The following PHF20L1 variants were observed in gnomAD, a reference collection of about 807,000 sequenced individuals.
PHF20L1 encodes the protein PHD finger protein 20-like protein 1.
PHF20L1 carries 44 observed loss-of-function variants against 125.5 expected under a neutral mutation model. That is an observed-to-expected ratio of 0.35 (90% CI 0.28 to 0.45). PHF20L1 has a LOEUF of 0.45. Ranked by LOEUF, PHF20L1 falls within the 20% of genes least tolerant of loss-of-function variation. The pLI, the probability that PHF20L1 is intolerant of heterozygous loss-of-function variation, is 1.00. For missense variants in PHF20L1, 1,012 were observed against 1,217.2 expected (o/e 0.83, Z 2.51); for synonymous variants, 380 against 403.1 (o/e 0.94, Z 0.69).
chr8:132,803,655 A>G, intron 6 of PHF20L1, 164 bp from the exon 7 acceptor site: 1 of 559,000 alleles, frequency 1.8e-6, no homozygotes, highest in Non-Finnish European at 3.2e-6. Context: ...TAAATTTGAT[A>G]ACCTACCATG....
At chr8:132,798,541 A>G (rs1832681748) in intron 4 of PHF20L1, among the ~76,000 whole-genome samples, 1 of 152,038 alleles carries the variant, frequency 6.6e-6, no homozygotes, top group Non-Finnish European at 1.5e-5. Context: ...TCAGAATTAC[A>G]TGGAACTAAC....
chr8:132,808,809 G>A (rs1834025798), intron 8 of PHF20L1: 2 of 132,254 alleles, frequency 1.5e-5, no homozygotes, highest in African/African-American at 5.8e-5. Flanking sequence ...TAGTTTTTTG[G>A]TTTTTGCTTT....
chr8:132,825,127 C>T (rs752661266), intron 13 of PHF20L1, 137 bp from the exon 14 acceptor site: 1 of 1,545,120 alleles, frequency 6.5e-7, no homozygotes, highest in African/African-American at 1.4e-5. Context: ...ATGACATGAA[C>T]AGTTTAATTG....
chr8:132,811,214 T>G (rs1834353837), intron 9 of PHF20L1, 86 bp downstream of exon 9: 2 of 1,584,176 alleles, frequency 1.3e-6, no homozygotes, highest in South Asian at 1.1e-5. Flanking sequence ...GAAATTCCCC[T>G]TTTGATCAGA....
intron 14 of PHF20L1, among the ~76,000 whole-genome samples, chr8:132,832,028 A>G (rs1372723176): frequency 6.6e-6 from 1 of 152,044 alleles, no homozygotes; most frequent in African/African-American, 2.4e-5. Flanking sequence ...GCCCCCTACT[A>G]TGTATATATT....
rs1041130458 is a variant in PHF20L1, at chr8:132,848,648, A to G, written c.*2725A>G. On this transcript the variant is annotated 3_prime_UTR_variant, in exon 21 of 21. Coordinates refer to ENST00000395386, the MANE Select transcript of PHF20L1 (RefSeq NM_016018.5). ...TTATTTCCAAACTTAAGAGTAATGT[A>G]CTTCGAAAACAACTTGGTTATTCTT... 6.6e-6 allele frequency: 1 copy of G among 152,454 alleles called. No individual in the cohort carries two copies. The highest frequency in any genetic ancestry group is 1.5e-5 in the Non-Finnish European group (1 of 67,956). 9.4% of individuals were successfully genotyped at this position (152,454 alleles called of 1,614,324 possible). A position where few individuals can be genotyped will look rare whatever the true frequency, so the allele number is the denominator to read the frequency against.
chr8:132,798,421 C>G (rs1217795597), intron 4 of PHF20L1, among the ~76,000 whole-genome samples: 1 of 151,840 alleles, frequency 6.6e-6, no homozygotes, highest in Non-Finnish European at 1.5e-5. Context: ...ATGGTAATGC[C>G]TATGGAAATA....
At chr8:132,802,351 C>A (rs1444672502) in intron 6 of PHF20L1, among the ~76,000 whole-genome samples, 2 of 151,588 alleles carry the variant, frequency 1.3e-5, no homozygotes, top group Middle Eastern at 6.8e-3. Flanking sequence ...TTCCACTACC[C>A]CTTTCCCTAG....
At chr8:132,807,765 GA>G (rs1367112264) in intron 8 of PHF20L1, 2 of 455,820 alleles carry the variant, frequency 4.4e-6, no homozygotes, top group East Asian at 7.0e-5. Context: ...TAGAATACTG[GA>G]AGGTTGTAAC....
Position 132,845,859 on chromosome 8 carries a change from A to G in PHF20L1, c.2990A>G (p.His997Arg), listed in dbSNP as rs1838386022. 6.2e-7 allele frequency: 1 copy of G among 1,612,226 alleles called. No homozygotes were observed. The highest frequency in any genetic ancestry group is 1.7e-5 in the Admixed American group (1 of 59,826). The change falls in exon 21 of 21, where the codon CAC becomes CGC. Residue 997 changes from histidine to arginine, a missense_variant. By Grantham distance (29) the His-to-Arg change is conservative. Around this residue, in one of 7 missense-constraint regions of PHF20L1, gnomAD observed 277 missense variants for 283.6 expected, o/e 0.98. Coordinates refer to ENST00000395386, the MANE Select transcript of PHF20L1 (RefSeq NM_016018.5). ...PLARLPQLKR[H>R]IKQLLIDMGK... ...GCAAGATTGCCCCAACTTAAACGCC[A>G]CATAAAACAGCTCCTAATTGACATG... is the stretch of plus-strand genomic sequence containing the variant.
At chr8:132,813,082 T>C in intron 9 of PHF20L1, 3 of 956,632 alleles carry the variant, frequency 3.1e-6, no homozygotes, top group South Asian at 9.7e-5. Flanking sequence ...CTTATCAAGA[T>C]ATTAAGTTTT....
At chr8:132,800,874 T>A (rs1158215122) in intron 6 of PHF20L1, among the ~76,000 whole-genome samples, 2 of 151,464 alleles carry the variant, frequency 1.3e-5, no homozygotes, top group Non-Finnish European at 3.0e-5. Flanking sequence ...TTGTAGACAT[T>A]TTTCTCACTG....
rs368389324 is a variant in PHF20L1, at chr8:132,814,698, A to G, written c.992A>G (p.Asn331Ser). 16 of 1,612,086 alleles carry G rather than the reference A, an allele frequency of 9.9e-6. No individual in the cohort carries two copies. In the African/African-American group the frequency reaches 1.3e-4, roughly 13 times the overall value. Residue 331 changes from asparagine to serine, a missense_variant, in exon 10 of 21, where the codon AAC becomes AGC. Around this residue, in one of 7 missense-constraint regions of PHF20L1, gnomAD observed 119 missense variants for 160.2 expected, o/e 0.74. Coordinates refer to ENST00000395386, the MANE Select transcript of PHF20L1 (RefSeq NM_016018.5). The part of the protein sequence containing the change: ...KNEADISSSA[N>S]TQKPALLSST... ...GAAGCTGACATTAGCAGTTCTGCCA[A>G]CACTCAGAAACCTGCACTGTTATCC...
intron 17 of PHF20L1, 196 bp downstream of exon 17, chr8:132,838,007 T>C: frequency 2.0e-6 from 1 of 511,664 alleles, no homozygotes. Context: ...ATCAATTAGC[T>C]TATAGTACAA....
chr8:132,823,500 A>T (rs1020204902), intron 12 of PHF20L1, among the ~76,000 whole-genome samples: 2 of 151,992 alleles, frequency 1.3e-5, no homozygotes, highest in South Asian at 2.1e-4. Context: ...GGCCTAGTAC[A>T]GTTAACTTTT....
intron 19 of PHF20L1, 163 bp downstream of exon 19, chr8:132,843,038 A>G: frequency 7.4e-7 from 1 of 1,359,682 alleles, no homozygotes; most frequent in African/African-American, 1.5e-5. Flanking sequence ...ACAGGAAAAC[A>G]CTGGCCATTT....
intron 14 of PHF20L1, among the ~76,000 whole-genome samples, chr8:132,830,414 G>A (rs1221277011): frequency 6.6e-6 from 1 of 152,016 alleles, no homozygotes. Context: ...TAGGGTTTAG[G>A]ACATAGACAT....
chr8:132,816,712 G>C (rs1442382585), intron 10 of PHF20L1, 176 bp from the exon 11 acceptor site: 4 of 499,756 alleles, frequency 8.0e-6, no homozygotes, highest in South Asian at 6.0e-5. Context: ...GACTCATTTT[G>C]AATGAGGGCA....
chr8:132,810,757 T>C (rs969062686), intron 8 of PHF20L1: 3 of 303,804 alleles, frequency 9.9e-6, no homozygotes, highest in African/African-American at 6.5e-5. Context: ...TAAGACAGAA[T>C]TTTAACTTTT....
Sources: allele counts gnomAD v4.1 joint callset (sites outside exome capture counted in the v4.1 genomes callset), GRCh38; gene constraint gnomAD v4.1.1; regional missense constraint gnomAD v4.1.1; transcripts MANE v1.5; gene names NCBI Gene and HGNC (gene_info 2026-07-23, HGNC 2026-07-21).